The following PRKCE variants were observed in gnomAD, a reference collection of about 807,000 sequenced individuals.
PRKCE encodes protein kinase C epsilon.
Under a neutral mutation model 85.4 loss-of-function variants are expected in PRKCE, and 16 were observed. That is an observed-to-expected ratio of 0.19 (90% confidence interval 0.13 to 0.28). The LOEUF is 0.28. PRKCE is among the 10% of genes least tolerant of loss of function. The pLI is 1.00. For missense variants in PRKCE, 573 were observed against 975.2 expected, an observed-to-expected ratio of 0.59 and a Z score of 5.49; for synonymous variants, 388 against 371.5, an observed-to-expected ratio of 1.04 and a Z score of -0.51.
At chr2:45,703,666 T>G (rs952921224) in intron 1 of PRKCE, among the ~76,000 whole-genome samples, 1 of 152,182 alleles carries the variant, frequency 6.6e-6, no homozygotes, top group African/African-American at 2.4e-5. Flanking sequence ...TGCATGGAAC[T>G]GATTCTTCTT....
At chr2:46,061,705 A>G (rs1381663516) in intron 10 of PRKCE, among the ~76,000 whole-genome samples, 1 of 152,122 alleles carries the variant, frequency 6.6e-6, no homozygotes. Context: ...AGCATTTTAA[A>G]TCCCCTAGTT....
intron 8 of PRKCE, among the ~76,000 whole-genome samples, chr2:46,006,757 G>A (rs1416643923): frequency 6.6e-6 from 1 of 152,228 alleles, no homozygotes; most frequent in African/African-American, 2.4e-5. Context: ...ATAAGCTCTA[G>A]AGCGGGGCAC....
intron 2 of PRKCE, among the ~76,000 whole-genome samples, chr2:45,869,156 A>C: frequency 6.6e-6 from 1 of 152,200 alleles, no homozygotes; most frequent in Non-Finnish European, 1.5e-5. Context: ...GAAATATTTG[A>C]GAAACAATCT....
At chr2:45,744,477 CTTTCTTTCT>C (rs1682920420) in intron 1 of PRKCE, among the ~76,000 whole-genome samples, 4 of 45,504 alleles carry the variant, frequency 8.8e-5, no homozygotes, top group East Asian at 1.5e-3. Context: ...TTCTTTCTTT[CTTTCTTTCT>C]TTTTCTTTCT....
intron 2 of PRKCE, among the ~76,000 whole-genome samples, chr2:45,862,874 CT>C (rs1294883357): frequency 2.0e-5 from 3 of 152,236 alleles, no homozygotes; most frequent in Admixed American, 6.5e-5. Context: ...TTCGCAGGGG[CT>C]GCATTCACAT....
chr2:45,713,816 C>T lies in PRKCE; in HGVS notation c.348+61368C>T, dbSNP rs79611453. Among the ~76,000 whole-genome samples the T allele has an allele frequency of 6.3e-3, 966 of 152,274 alleles. 2 individuals are homozygous for T. The highest frequency in any genetic ancestry group is 0.017 in the Middle Eastern group (5 of 294). On this transcript the variant is annotated intron_variant, in intron 1 of 14. Coordinates refer to ENST00000306156, the MANE Select transcript of PRKCE (RefSeq NM_005400.3). ...TTTGCAGGCATTCCATTTATGGGCA[C>T]CTGTTTCAGAAGTAGGTCTGTGGTT...
At chr2:45,657,121 C>G (rs1300906071) in intron 1 of PRKCE, among the ~76,000 whole-genome samples, 1 of 152,210 alleles carries the variant, frequency 6.6e-6, no homozygotes, top group Non-Finnish European at 1.5e-5. Flanking sequence ...AGTCTACACA[C>G]TGAGCTCAGT....
At position 45,777,815 on chromosome 2, in the gene PRKCE, T is replaced by C. The variant is rs573985358; in HGVS notation, c.349-65185T>C. ...GAAACTTGGTTTGCAGTATTTCTAC[T>C]GAAACGTGACATTTTACCTGCCCTC... On this transcript the variant is annotated intron_variant, in intron 1 of 14. Coordinates refer to ENST00000306156, the MANE Select transcript of PRKCE (RefSeq NM_005400.3). 2.0e-5 allele frequency among the ~76,000 whole-genome samples: 3 copies of C among 152,280 alleles called. No homozygotes were observed. In the South Asian group the frequency reaches 6.2e-4, roughly 32 times the overall value.
intron 10 of PRKCE, chr2:46,073,709 A>G (rs1668274507): frequency 6.6e-6 from 1 of 151,760 alleles, no homozygotes; most frequent in African/African-American, 2.4e-5. Flanking sequence ...AGGGACCCAA[A>G]CTGATGCAGA....
chr2:45,758,971 C>G (rs1014576874), intron 1 of PRKCE, among the ~76,000 whole-genome samples: 1 of 152,136 alleles, frequency 6.6e-6, no homozygotes, highest in Non-Finnish European at 1.5e-5. Flanking sequence ...GGTGAAGGGA[C>G]CGTGGGAGAG....
intron 10 of PRKCE, among the ~76,000 whole-genome samples, chr2:46,023,745 G>C (rs1706876000): frequency 6.6e-6 from 1 of 152,146 alleles, no homozygotes; most frequent in African/African-American, 2.4e-5. Context: ...ATAATAACTT[G>C]GACAGAACTG....
At chr2:45,940,670 G>A (rs190641250) in intron 2 of PRKCE, among the ~76,000 whole-genome samples, 4 of 152,262 alleles carry the variant, frequency 2.6e-5, no homozygotes, top group Admixed American at 6.5e-5. Flanking sequence ...TCACTCTCAC[G>A]TACCGCATGC....
chr2:45,861,531 C>T (rs998256207), intron 2 of PRKCE, among the ~76,000 whole-genome samples: 3 of 152,136 alleles, frequency 2.0e-5, no homozygotes, highest in African/African-American at 7.2e-5. Context: ...TTAGCCCATT[C>T]TTCAATAAAT....
chr2:45,870,653 A>G (rs900870785), intron 2 of PRKCE, among the ~76,000 whole-genome samples: 4 of 152,204 alleles, frequency 2.6e-5, no homozygotes, highest in African/African-American at 2.4e-5. Flanking sequence ...AAGGGGGAAG[A>G]GCCTCGTGGT....
chr2:45,874,289 A>T (rs1477174104), intron 2 of PRKCE, among the ~76,000 whole-genome samples: 1 of 152,196 alleles, frequency 6.6e-6, no homozygotes, highest in African/African-American at 2.4e-5. Context: ...AACATGCTGG[A>T]TCCCAAGTTG....
At chr2:45,670,746 TGAC>T (rs1676120950) in intron 1 of PRKCE, among the ~76,000 whole-genome samples, 1 of 152,234 alleles carries the variant, frequency 6.6e-6, no homozygotes, top group Admixed American at 6.5e-5. Flanking sequence ...AGGGAAAGAC[TGAC>T]GAAGGATTTG....
intron 1 of PRKCE, among the ~76,000 whole-genome samples, chr2:45,841,119 A>G (rs1215625178): frequency 6.6e-6 from 1 of 152,246 alleles, no homozygotes; most frequent in Non-Finnish European, 1.5e-5. Flanking sequence ...ACAGAGAGGT[A>G]GATGGACAAT....
rs757026662 is a variant in PRKCE at position 46,085,641 on chromosome 2, T to C, written c.1438-567T>C. 6.2e-4 allele frequency among the ~76,000 whole-genome samples: 91 copies of C among 146,716 alleles called. 13 individuals carry two copies. Among genetic ancestry groups the C allele is most frequent in the Non-Finnish European group, 1.0e-3 (68 of 67,190 alleles). On this transcript the variant is annotated intron_variant, in intron 10 of 14. Coordinates refer to ENST00000306156, the MANE Select transcript of PRKCE (RefSeq NM_005400.3). ...CAGGTCTTCCTCTACCTGCCTCTTA[T>C]AAGGACACTTATGATTGTATTTAAG... is the stretch of plus-strand genomic sequence containing the variant.
intron 2 of PRKCE, among the ~76,000 whole-genome samples, chr2:45,968,026 C>T (rs1465565345): frequency 6.6e-6 from 1 of 152,122 alleles, no homozygotes; most frequent in Non-Finnish European, 1.5e-5. Flanking sequence ...GGGGACTGTC[C>T]TGCAGTGAGG....
Sources: allele counts gnomAD v4.1 joint callset (sites outside exome capture counted in the v4.1 genomes callset), GRCh38; gene constraint gnomAD v4.1.1; transcripts MANE v1.5; gene names NCBI Gene and HGNC (gene_info 2026-07-23, HGNC 2026-07-21).